CCDC178: variants seen among roughly 807,000 people sequenced by gnomAD.
CCDC178 encodes coiled-coil domain-containing protein 178.
CCDC178 carries 126 observed loss-of-function variants against 117.4 expected under a neutral mutation model. The ratio of observed to expected loss-of-function variants is 1.07; its 90% confidence interval spans 0.93 to 1.24. The LOEUF is 1.24. Ranked by LOEUF, CCDC178 falls within the 50% of genes most tolerant of loss-of-function variation. The probability of loss-of-function intolerance (pLI) is 0.00; values close to 1 mark genes in which losing one functional copy is unlikely to be tolerated. For synonymous variants in CCDC178, 283 were observed against 313.4 expected (o/e 0.90, Z 1.02); for missense variants, 1,030 against 986.9 (o/e 1.04, Z -0.59).
chr18:33,211,857 T>C (rs1214227993), intron 20 of CCDC178, 39 bp downstream of exon 20: 2 of 1,557,590 alleles, frequency 1.3e-6, no homozygotes, highest in East Asian at 2.3e-5. Context: ...ACTATCACTA[T>C]ATTCCTTTCA....
intron 20 of CCDC178, among the ~76,000 whole-genome samples, chr18:33,097,258 T>C (rs992807626): frequency 6.6e-6 from 1 of 152,116 alleles, no homozygotes; most frequent in Non-Finnish European, 1.5e-5. Context: ...GTAAGGAATC[T>C]AGGCCAGAGG....
intron 21 of CCDC178, among the ~76,000 whole-genome samples, chr18:33,011,850 A>G (rs4258697): frequency 0.15 from 21,749 of 145,850 alleles, 2,352 homozygotes; most frequent in African/African-American, 0.31. Flanking sequence ...ATTGCAGACT[A>G]CAGTTTCCCT....
At chr18:33,095,117 A>T (rs972888524) in intron 20 of CCDC178, among the ~76,000 whole-genome samples, 1 of 152,040 alleles carries the variant, frequency 6.6e-6, no homozygotes, top group Non-Finnish European at 1.5e-5. Flanking sequence ...TCATAAAAGG[A>T]TAACTGGAAT....
At chr18:33,333,605 TC>T (rs2144632675) in intron 9 of CCDC178, among the ~76,000 whole-genome samples, 1 of 143,822 alleles carries the variant, frequency 7.0e-6, no homozygotes, top group South Asian at 2.3e-4. Flanking sequence ...AACCTCTGCC[TC>T]CCAGGTTCAA....
chr18:33,163,598 A>G (rs2058491865), intron 20 of CCDC178, among the ~76,000 whole-genome samples: 1 of 152,218 alleles, frequency 6.6e-6, no homozygotes, highest in African/African-American at 2.4e-5. Flanking sequence ...CAATAAATCA[A>G]TTCTGCTCTT....
chr18:33,299,381 A>G (rs971137776), intron 11 of CCDC178, among the ~76,000 whole-genome samples: 4 of 152,112 alleles, frequency 2.6e-5, no homozygotes, highest in Non-Finnish European at 4.4e-5. Context: ...AATGGTTCTG[A>G]AAAACCTGAT....
intron 14 of CCDC178, among the ~76,000 whole-genome samples, chr18:33,255,263 C>T (rs2059665270): frequency 6.6e-6 from 1 of 152,002 alleles, no homozygotes; most frequent in East Asian, 1.9e-4. Context: ...AATTACCCAG[C>T]TTCAGGTATT....
At chr18:32,961,545 C>G (rs541716101) in intron 22 of CCDC178, among the ~76,000 whole-genome samples, 15 of 152,148 alleles carry the variant, frequency 9.9e-5, no homozygotes, top group Middle Eastern at 3.4e-3. Flanking sequence ...TGCAGTAGTT[C>G]CCAACCTTTT....
At chr18:33,222,891 G>A (rs2059254358) in intron 18 of CCDC178, among the ~76,000 whole-genome samples, 1 of 151,896 alleles carries the variant, frequency 6.6e-6, no homozygotes, top group African/African-American at 2.4e-5. Context: ...CTATGTCCCT[G>A]ATAAACTAGA....
chr18:33,337,363 T>C (rs1039253583), intron 9 of CCDC178, among the ~76,000 whole-genome samples: 1 of 152,152 alleles, frequency 6.6e-6, no homozygotes, highest in Non-Finnish European at 1.5e-5. Flanking sequence ...CAGCAGCAGT[T>C]TGACTTCCTC....
chr18:33,279,883 A>G (rs2059999431), intron 12 of CCDC178, among the ~76,000 whole-genome samples: 1 of 152,190 alleles, frequency 6.6e-6, no homozygotes, highest in Admixed American at 6.5e-5. Context: ...TGGTACTGGG[A>G]AAACTGGCTA....
At chr18:33,328,651 CTACTT>C (rs1301071754) in intron 10 of CCDC178, among the ~76,000 whole-genome samples, 1 of 152,004 alleles carries the variant, frequency 6.6e-6, no homozygotes, top group African/African-American at 2.4e-5. Flanking sequence ...AATTTCAGTT[CTACTT>C]TATTTATCTA....
chr18:33,129,486 C>G (rs2058046542), intron 20 of CCDC178, among the ~76,000 whole-genome samples: 1 of 151,818 alleles, frequency 6.6e-6, no homozygotes, highest in Non-Finnish European at 1.5e-5. Flanking sequence ...AAAGTGGAAC[C>G]CTGATAAGAT....
intron 18 of CCDC178, 88 bp downstream of exon 18, chr18:33,223,018 T>G (rs1294308184): frequency 3.2e-6 from 3 of 940,236 alleles, no homozygotes; most frequent in South Asian, 3.4e-5. Flanking sequence ...ATGAGACACA[T>G]TCATTTAAAA....
At chr18:33,398,801 G>A (rs2063673132) in intron 3 of CCDC178, among the ~76,000 whole-genome samples, 1 of 152,020 alleles carries the variant, frequency 6.6e-6, no homozygotes, top group East Asian at 1.9e-4. Flanking sequence ...GTCTCCAAAA[G>A]CATATAAAAG....
At chr18:33,071,126 A>C (rs541891554) in intron 21 of CCDC178, among the ~76,000 whole-genome samples, 1 of 152,202 alleles carries the variant, frequency 6.6e-6, no homozygotes, top group South Asian at 2.1e-4. Context: ...TGAGCAGCAA[A>C]CAGGCTGGAG....
At chr18:33,316,765 G>A (rs538873421) in intron 11 of CCDC178, among the ~76,000 whole-genome samples, 27 of 152,060 alleles carry the variant, frequency 1.8e-4, no homozygotes, top group African/African-American at 5.5e-4. Context: ...TGCACCAATC[G>A]GCACTCTGTA....
intron 20 of CCDC178, among the ~76,000 whole-genome samples, chr18:33,180,535 C>T (rs1598969469): frequency 1.3e-5 from 2 of 151,986 alleles, no homozygotes; most frequent in South Asian, 2.1e-4. Context: ...ATAAAAATTA[C>T]ATTTTTCTGT....
intron 14 of CCDC178, 125 bp from the exon 15 acceptor site, chr18:33,245,553 C>A: frequency 9.6e-7 from 1 of 1,046,552 alleles, no homozygotes; most frequent in Non-Finnish European, 1.3e-6. Flanking sequence ...GGATAATTAG[C>A]TAAAACTTGA....
Sources: gnomAD v4.1 joint callset for allele counts (sites outside exome capture counted in the v4.1 genomes callset) on GRCh38, gnomAD v4.1.1 for gene constraint, MANE v1.5 for transcripts, NCBI Gene and HGNC (gene_info 2026-07-23, HGNC 2026-07-21) for gene names.